The following OAT variants were observed in gnomAD, a reference collection of about 807,000 sequenced individuals.
OAT encodes ornithine aminotransferase, mitochondrial.
In OAT, 35 loss-of-function variants were observed where a neutral mutation model predicts 48.4. That is an observed-to-expected ratio of 0.72 (90% confidence interval 0.55 to 0.96). OAT has a LOEUF of 0.96. OAT is among the 40% of genes least tolerant of loss of function. The probability of loss-of-function intolerance (pLI) is 0.00; values close to 1 mark genes in which losing one functional copy is unlikely to be tolerated. For missense variants in OAT, 438 were observed against 537.9 expected, an observed-to-expected ratio of 0.81 and a Z score of 1.84; for synonymous variants, 182 against 198.4, an observed-to-expected ratio of 0.92 and a Z score of 0.70.
At chr10:124,406,875 T>C in intron 4 of OAT, 1 of 792,576 alleles carries the variant, frequency 1.3e-6, no homozygotes, top group Non-Finnish European at 1.5e-6. Flanking sequence ...TCAGGGAGCT[T>C]CCTTTCTAGC....
intron 1 of OAT, among the ~76,000 whole-genome samples, chr10:124,413,953 T>C (rs1429834428): frequency 6.8e-6 from 1 of 146,302 alleles, no homozygotes; most frequent in East Asian, 2.0e-4. Context: ...TGATAAGCCA[T>C]GAAGTAAAAA....
chr10:124,408,459 T>G, intron 4 of OAT, 83 bp downstream of exon 4: 1 of 1,236,004 alleles, frequency 8.1e-7, no homozygotes, highest in East Asian at 2.5e-5. Flanking sequence ...ATGCTAGGAT[T>G]ACAGGCATGA....
chr10:124,410,091 T>C (rs551017833), intron 2 of OAT, among the ~76,000 whole-genome samples: 15 of 152,356 alleles, frequency 9.8e-5, no homozygotes, highest in South Asian at 6.2e-4. Flanking sequence ...TACTCTTATA[T>C]TGTCATTTTC....
intron 2 of OAT, among the ~76,000 whole-genome samples, chr10:124,409,879 T>C (rs1951700257): frequency 6.6e-6 from 1 of 152,180 alleles, no homozygotes; most frequent in South Asian, 2.1e-4. Flanking sequence ...TACCATCTCA[T>C]ACTCCCTGGG....
intron 1 of OAT, among the ~76,000 whole-genome samples, chr10:124,417,890 G>A (rs967857448): frequency 6.6e-6 from 1 of 152,198 alleles, no homozygotes; most frequent in Non-Finnish European, 1.5e-5. Flanking sequence ...TATCTAAGAG[G>A]TAAAACTGAA....
chr10:124,412,238 C>G, intron 1 of OAT, 38 bp from the exon 2 acceptor site: 1 of 1,473,974 alleles, frequency 6.8e-7, no homozygotes, highest in Non-Finnish European at 9.4e-7. Flanking sequence ...GAGTGAGAAT[C>G]CTTGGCTTAT....
At chr10:124,414,578 AG>A (rs1279780481) in intron 1 of OAT, 2 of 152,368 alleles carry the variant, frequency 1.3e-5, no homozygotes, top group Non-Finnish European at 2.9e-5. Flanking sequence ...GGTAGCTGCT[AG>A]CAAAAATGTC....
intron 5 of OAT, among the ~76,000 whole-genome samples, chr10:124,404,607 T>G (rs1409286931): frequency 2.0e-5 from 3 of 152,078 alleles, no homozygotes; most frequent in Non-Finnish European, 2.9e-5. Context: ...AATTTTTTTG[T>G]AGAGACAGGC....
At chr10:124,409,392 T>G (rs1951687961) in intron 2 of OAT, among the ~76,000 whole-genome samples, 1 of 151,966 alleles carries the variant, frequency 6.6e-6, no homozygotes, top group South Asian at 2.1e-4. Context: ...GCAAAATCCC[T>G]GACGCTACAG....
chr10:124,412,897 G>A (rs2674341), intron 1 of OAT, among the ~76,000 whole-genome samples: 131,690 of 152,224 alleles, frequency 0.87, 57,079 homozygotes, highest in East Asian at 0.96. Context: ...ACCACAGTCC[G>A]ATACCATCAG....
chr10:124,402,095 T>C (rs1355991636), intron 7 of OAT, among the ~76,000 whole-genome samples: 1 of 149,296 alleles, frequency 6.7e-6, no homozygotes, highest in East Asian at 1.9e-4. Context: ...AGATATAGTT[T>C]CACCATGTTG....
chr10:124,415,785 G>T (rs1018399072), intron 1 of OAT, among the ~76,000 whole-genome samples: 1 of 152,264 alleles, frequency 6.6e-6, no homozygotes, highest in East Asian at 1.9e-4. Flanking sequence ...TGTAAAAGGA[G>T]GTTGAAGTGT....
In OAT at chr10:124,401,842, G is replaced by A. The variant is rs371484835; in HGVS notation, c.901-3C>T. Reference sequence around the variant, plus strand: ...TCATCACACAGCACTGCAGACACCTGAAAGACAGTCAATTCACCATGTCAT... The same window carrying A: ...TCATCACACAGCACTGCAGACACCTAAAAGACAGTCAATTCACCATGTCAT... On this transcript the variant is annotated splice_region_variant and splice_polypyrimidine_tract_variant and intron_variant, in intron 7 of 9. Transcript: ENST00000368845. 6.0e-5 allele frequency: 96 copies of A among 1,601,482 alleles called. No individual in the cohort carries two copies. The highest frequency in any genetic ancestry group is 8.0e-5 in the Non-Finnish European group (93 of 1,169,794).
At chr10:124,417,438 C>T (rs1194402394) in intron 1 of OAT, among the ~76,000 whole-genome samples, 2 of 151,866 alleles carry the variant, frequency 1.3e-5, no homozygotes, top group African/African-American at 4.8e-5. Flanking sequence ...GCGCGCACCA[C>T]GATGTCTGGC....
chr10:124,413,138 G>A (rs1437378306), intron 1 of OAT, among the ~76,000 whole-genome samples: 1 of 152,094 alleles, frequency 6.6e-6, no homozygotes, highest in Non-Finnish European at 1.5e-5. Context: ...TAAAACTTCT[G>A]TAGGTCAAAT....
At chr10:124,400,786 G>T (rs1554863836) in intron 9 of OAT, 54 bp downstream of exon 9, 1 of 1,300,670 alleles carries the variant, frequency 7.7e-7, no homozygotes, top group Non-Finnish European at 1.1e-6. Flanking sequence ...AATACCAAGT[G>T]TATTTTAGGT....
At chr10:124,403,439 ATAC>A (rs1318011838) in intron 6 of OAT, 3 of 412,462 alleles carry the variant, frequency 7.3e-6, no homozygotes, top group African/African-American at 2.0e-5. Flanking sequence ...TAAACAAAAT[ATAC>A]TACTATTAGC....
chr10:124,403,217 C>T (rs575679789), intron 6 of OAT, 162 bp from the exon 7 acceptor site: 1 of 752,508 alleles, frequency 1.3e-6, no homozygotes, highest in African/African-American at 1.7e-5. Context: ...CAAGAGTATC[C>T]TATAAGAATC....
intron 8 of OAT, 80 bp from the exon 9 acceptor site, chr10:124,401,064 A>G (rs1951395120): frequency 1.0e-6 from 1 of 962,646 alleles, no homozygotes. Context: ...CTGTAAACAC[A>G]GGAAAAACAT....
Sources: gnomAD v4.1 joint callset for allele counts (sites outside exome capture counted in the v4.1 genomes callset) on GRCh38, gnomAD v4.1.1 for gene constraint, MANE v1.5 for transcripts, NCBI Gene and HGNC (gene_info 2026-07-23, HGNC 2026-07-21) for gene names.